PDE4D: variants seen among roughly 807,000 people sequenced by gnomAD.
PDE4D encodes the protein phosphodiesterase 4D, also known as 3',5'-cyclic-AMP phosphodiesterase 4D.
Under a neutral mutation model 87.4 loss-of-function variants are expected in PDE4D, and 24 were observed. That is an observed-to-expected ratio of 0.27 (90% CI 0.20 to 0.39). PDE4D has a LOEUF of 0.39. PDE4D is among the 10% of genes least tolerant of loss of function. The pLI is 1.00. For synonymous variants in PDE4D, 384 were observed against 383.2 expected, an observed-to-expected ratio of 1.00 and a Z score of -0.02; for missense variants, 714 against 1,041.0, an observed-to-expected ratio of 0.69 and a Z score of 4.32.
At chr5:59,307,429 C>G (rs553946606) in intron 1 of PDE4D, among the ~76,000 whole-genome samples, 134 of 151,946 alleles carry the variant, frequency 8.8e-4, no homozygotes, top group Non-Finnish European at 1.5e-3. Context: ...AGGCAACCTA[C>G]AAAATGGGAG....
chr5:59,533,273 A>G (rs1325915972), intron 1 of PDE4D, among the ~76,000 whole-genome samples: 1 of 152,182 alleles, frequency 6.6e-6, no homozygotes, highest in East Asian at 1.9e-4. Context: ...TATTGAAAAC[A>G]TTTGTCAATT....
At chr5:59,111,887 G>GTA (rs550439555) in intron 5 of PDE4D, among the ~76,000 whole-genome samples, 43 of 152,270 alleles carry the variant, frequency 2.8e-4, no homozygotes, top group African/African-American at 9.9e-4. Flanking sequence ...GCACTGTTGT[G>GTA]TATATATATC....
At chr5:59,801,614 A>C (rs1163183839) in intron 1 of PDE4D, among the ~76,000 whole-genome samples, 3 of 152,216 alleles carry the variant, frequency 2.0e-5, no homozygotes, top group Non-Finnish European at 4.4e-5. Flanking sequence ...AGTGGAATAG[A>C]CACAGAGTCA....
intron 1 of PDE4D, among the ~76,000 whole-genome samples, chr5:60,507,426 A>G (rs1750372612): frequency 6.6e-6 from 1 of 152,188 alleles, no homozygotes; most frequent in East Asian, 1.9e-4. Context: ...CCTAGTTTTC[A>G]TATTATGAAC....
intron 1 of PDE4D, chr5:60,185,722 T>TA (rs1450733432): frequency 1.6e-6 from 1 of 609,908 alleles, no homozygotes; most frequent in East Asian, 2.8e-5. Context: ...TTAATCAAGT[T>TA]ATGATTAACA....
intron 5 of PDE4D, among the ~76,000 whole-genome samples, chr5:59,122,044 A>T (rs923056547): frequency 2.0e-5 from 3 of 147,062 alleles, no homozygotes; most frequent in African/African-American, 5.0e-5. Context: ...TGGGAGGCTG[A>T]GGCAGAAGAA....
intron 1 of PDE4D, among the ~76,000 whole-genome samples, chr5:59,442,483 T>C (rs1797780725): frequency 6.6e-6 from 1 of 152,218 alleles, no homozygotes; most frequent in East Asian, 1.9e-4. Context: ...TCATACTCAC[T>C]GTGAAGAGTG....
chr5:59,241,561 G>A (rs1345277415), intron 1 of PDE4D, among the ~76,000 whole-genome samples: 1 of 152,182 alleles, frequency 6.6e-6, no homozygotes. Flanking sequence ...CCCAGCTTAA[G>A]GACACACACA....
intron 1 of PDE4D, among the ~76,000 whole-genome samples, chr5:59,276,709 T>TA (rs1018342036): frequency 8.6e-4 from 130 of 151,822 alleles, no homozygotes; most frequent in Admixed American, 4.7e-3. Flanking sequence ...TATTTTTTTT[T>TA]AAAAAAAATG....
chr5:59,849,262 T>C (rs1744326599), intron 1 of PDE4D, among the ~76,000 whole-genome samples: 1 of 152,052 alleles, frequency 6.6e-6, no homozygotes, highest in Non-Finnish European at 1.5e-5. Context: ...AATCATTATT[T>C]AATAGAGATC....
intron 3 of PDE4D, among the ~76,000 whole-genome samples, chr5:59,968,884 C>T (rs1428867444): frequency 1.3e-5 from 2 of 151,544 alleles, no homozygotes; most frequent in African/African-American, 4.8e-5. Context: ...AGGTCTGGCA[C>T]GTGATAATGT....
At chr5:60,382,667 A>G (rs1670385933) in intron 1 of PDE4D, among the ~76,000 whole-genome samples, 1 of 152,162 alleles carries the variant, frequency 6.6e-6, no homozygotes, top group Admixed American at 6.6e-5. Flanking sequence ...CCCCAAGTTT[A>G]TGACCTCAGG....
At chr5:60,197,022 T>C (rs1225597026) in intron 1 of PDE4D, among the ~76,000 whole-genome samples, 1 of 61,328 alleles carries the variant, frequency 1.6e-5, no homozygotes, top group Non-Finnish European at 3.0e-5. Flanking sequence ...GATAGGCAGA[T>C]AGATAGATAG....
At chr5:59,717,487 C>T (rs553066244) in intron 1 of PDE4D, among the ~76,000 whole-genome samples, 1 of 152,224 alleles carries the variant, frequency 6.6e-6, no homozygotes, top group South Asian at 2.1e-4. Flanking sequence ...GATAAAGGCA[C>T]AGCCACAATT....
At chr5:59,428,854 T>C (rs1795695787) in intron 1 of PDE4D, among the ~76,000 whole-genome samples, 1 of 152,192 alleles carries the variant, frequency 6.6e-6, no homozygotes, top group African/African-American at 2.4e-5. Flanking sequence ...ATTGATTTAC[T>C]AGCCATAGGT....
intron 1 of PDE4D, among the ~76,000 whole-genome samples, chr5:59,617,674 A>G (rs1299904522): frequency 6.6e-6 from 1 of 152,232 alleles, no homozygotes; most frequent in Admixed American, 6.5e-5. Flanking sequence ...AGGAACTACC[A>G]GAAGCTACAA....
At chr5:59,835,085 CAGTGATTTTGGAGAAAGGA>C (rs2152701898) in intron 1 of PDE4D, among the ~76,000 whole-genome samples, 1 of 152,116 alleles carries the variant, frequency 6.6e-6, no homozygotes, top group South Asian at 2.1e-4. Context: ...AAAGACATAG[CAGTGATTTTGGAGAAAGGA>C]AGTGAGAGCC....
chr5:59,539,816 A>G (rs1351313239), intron 1 of PDE4D, among the ~76,000 whole-genome samples: 3 of 152,182 alleles, frequency 2.0e-5, no homozygotes, highest in African/African-American at 4.8e-5. Flanking sequence ...TAAAACACAC[A>G]CACACAGACA....
At chr5:59,496,729 A>G (rs1807281950) in intron 1 of PDE4D, among the ~76,000 whole-genome samples, 1 of 152,080 alleles carries the variant, frequency 6.6e-6, no homozygotes, top group African/African-American at 2.4e-5. Flanking sequence ...AAAGCCAGGG[A>G]ATGGTTGTCG....
Sources: gnomAD v4.1 joint callset for allele counts (sites outside exome capture counted in the v4.1 genomes callset) on GRCh38, gnomAD v4.1.1 for gene constraint, MANE v1.5 for transcripts, NCBI Gene and HGNC (gene_info 2026-07-23, HGNC 2026-07-21) for gene names.